GABRB3: variants seen among roughly 807,000 people sequenced by gnomAD.
The protein encoded by GABRB3 is gamma-aminobutyric acid receptor subunit beta-3.
In GABRB3, 14 loss-of-function variants were observed where a neutral mutation model predicts 52.1. The observed-to-expected ratio is 0.27, with a 90% CI of 0.18 to 0.42. The LOEUF is 0.42. Among genes scored for constraint, GABRB3 ranks in the 10% least tolerant of loss-of-function variants. GABRB3 has a pLI of 1.00. For synonymous variants in GABRB3, 260 were observed against 232.3 expected (o/e 1.12, Z -1.08); for missense variants, 307 against 609.1 (o/e 0.50, Z 5.22).
chr15:26,583,286 A>G, intron 5 of GABRB3, 46 bp downstream of exon 5: 3 of 1,489,932 alleles, frequency 2.0e-6, no homozygotes, highest in Non-Finnish European at 2.8e-6. Context: ...CAAAAGGATC[A>G]AAAGTACAAA....
intron 8 of GABRB3, among the ~76,000 whole-genome samples, chr15:26,554,189 TAC>T (rs1889653179): frequency 2.6e-4 from 7 of 27,362 alleles, no homozygotes; most frequent in Admixed American, 5.8e-4. Flanking sequence ...TATATATATA[TAC>T]TATATATATA....
At chr15:26,690,091 TGAGAAGGTACACG>T (rs1239979717) in intron 3 of GABRB3, among the ~76,000 whole-genome samples, 1 of 145,408 alleles carries the variant, frequency 6.9e-6, no homozygotes, top group African/African-American at 2.5e-5. Context: ...ATCTGGAGAA[TGAGAAGGTACACG>T]GATTTTTTTT....
chr15:26,760,827 A>ACACACACAC (rs1555383019), intron 3 of GABRB3, among the ~76,000 whole-genome samples: 9 of 151,452 alleles, frequency 5.9e-5, no homozygotes, highest in East Asian at 3.9e-4. Flanking sequence ...ACACACACAC[A>ACACACACAC]AGCAAACAAA....
At chr15:26,615,265 GT>G in intron 4 of GABRB3, 4 of 984,782 alleles carry the variant, frequency 4.1e-6, no homozygotes, top group Non-Finnish European at 4.8e-6. Context: ...GATCTTCCTA[GT>G]TCCTTAAATG....
chr15:26,719,332 C>T (rs953361980), intron 3 of GABRB3, among the ~76,000 whole-genome samples: 2 of 152,224 alleles, frequency 1.3e-5, no homozygotes, highest in South Asian at 2.1e-4. Context: ...CCTTCCTTTC[C>T]AGGAACTCAG....
intron 3 of GABRB3, among the ~76,000 whole-genome samples, chr15:26,741,053 T>A (rs752853825): frequency 9.4e-3 from 394 of 41,960 alleles, no homozygotes; most frequent in Admixed American, 0.024. Flanking sequence ...TAAGTGTGTG[T>A]GTGTGTGTGT....
chr15:26,606,769 TATAG>T lies in GABRB3; in HGVS notation c.461+14541_461+14544del, dbSNP rs67062114. On this transcript the variant is annotated intron_variant, in intron 4 of 8. Transcript: ENST00000311550. ...TATATATCATACATATCTGTCTATC[TATAG>T]ATAGATAGATATATCTATAGATAGA... Among the ~76,000 whole-genome samples, 925 of 106,864 alleles carry T rather than the reference TATAG, an allele frequency of 8.7e-3. 21 individuals are homozygous for T. Among genetic ancestry groups the T allele is most frequent in the South Asian group, 0.011 (40 of 3,578 alleles). The allele number at this position is 106,864 out of a possible 152,430, so 70.1% of individuals were successfully genotyped here.
intron 3 of GABRB3, among the ~76,000 whole-genome samples, chr15:26,730,543 T>C (rs1392277474): frequency 2.6e-5 from 4 of 151,936 alleles, no homozygotes; most frequent in Non-Finnish European, 4.4e-5. Flanking sequence ...GAAGAGGAGC[T>C]GAAGAGGCCA....
At chr15:26,557,596 G>A (rs1889803837) in intron 8 of GABRB3, 1 of 152,066 alleles carries the variant, frequency 6.6e-6, no homozygotes, top group African/African-American at 2.4e-5. Flanking sequence ...TAAAGTCTTA[G>A]GTGTACTCAG....
At chr15:26,563,134 C>T (rs546559173) in intron 7 of GABRB3, among the ~76,000 whole-genome samples, 52 of 152,316 alleles carry the variant, frequency 3.4e-4, no homozygotes, top group Non-Finnish European at 5.6e-4. Flanking sequence ...GCTTTAGTCA[C>T]GACTTTGCCT....
intron 4 of GABRB3, among the ~76,000 whole-genome samples, chr15:26,594,004 A>AT (rs1566764220): frequency 7.8e-6 from 1 of 128,340 alleles, no homozygotes; most frequent in Non-Finnish European, 1.6e-5. Flanking sequence ...ATATATATAT[A>AT]ATAGCCATCC....
chr15:26,624,529 C>T (rs969806803), intron 3 of GABRB3: 6 of 985,412 alleles, frequency 6.1e-6, no homozygotes, highest in South Asian at 4.7e-5. Context: ...TCGGGCTCCG[C>T]GTCTTATTTT....
At chr15:26,768,658 T>C (rs1458147422) in intron 3 of GABRB3, among the ~76,000 whole-genome samples, 5 of 152,132 alleles carry the variant, frequency 3.3e-5, no homozygotes, top group Admixed American at 2.0e-4. Flanking sequence ...ATCTCACTTA[T>C]AGAAATATAC....
intron 3 of GABRB3, among the ~76,000 whole-genome samples, chr15:26,684,930 T>C (rs1231023633): frequency 1.3e-5 from 2 of 152,214 alleles, no homozygotes; most frequent in African/African-American, 2.4e-5. Flanking sequence ...GGACACTCAA[T>C]GCGCACATGC....
rs1285598618 is a variant in GABRB3 at position 26,586,404 on chromosome 15, A to ACACACACACT, written c.462-2991_462-2990insAGTGTGTGTG. On this transcript the variant is annotated intron_variant, in intron 4 of 8. Coordinates refer to ENST00000311550, the MANE Select transcript of GABRB3 (RefSeq NM_000814.6). Reference sequence around the variant, plus strand: ...ACTTTTCAAACCACCCCTAACACACACACACACACACACACACACACGCAT... The same window carrying ACACACACACT: ...ACTTTTCAAACCACCCCTAACACACACACACACACTCACACACACACACACACACACGCAT... Among the ~76,000 whole-genome samples the ACACACACACT allele has an allele frequency of 4.0e-3, 610 of 150,710 alleles. 8 individuals carry two copies. Among genetic ancestry groups the ACACACACACT allele is most frequent in the African/African-American group, 0.014 (591 of 41,018 alleles).
chr15:26,574,597 C>T (rs918518221), intron 6 of GABRB3, among the ~76,000 whole-genome samples: 1 of 152,126 alleles, frequency 6.6e-6, no homozygotes, highest in Non-Finnish European at 1.5e-5. Context: ...ATTCATGGCA[C>T]AACATGGATG....
intron 6 of GABRB3, among the ~76,000 whole-genome samples, chr15:26,571,978 G>A (rs570276137): frequency 2.4e-4 from 37 of 151,198 alleles, no homozygotes; most frequent in South Asian, 1.0e-3. Context: ...CCTGGGAGGC[G>A]GAGGTTGCAG....
At chr15:26,764,933 A>T (rs1049213263) in intron 3 of GABRB3, among the ~76,000 whole-genome samples, 2 of 152,000 alleles carry the variant, frequency 1.3e-5, no homozygotes, top group African/African-American at 4.8e-5. Flanking sequence ...GATCGAGACC[A>T]TCCTGGCTAA....
At chr15:26,643,036 A>T (rs1181332719) in intron 3 of GABRB3, among the ~76,000 whole-genome samples, 1 of 152,078 alleles carries the variant, frequency 6.6e-6, no homozygotes, top group Admixed American at 6.5e-5. Flanking sequence ...CTCACCAAAG[A>T]ACCCTCAGCT....
Sources: allele counts gnomAD v4.1 joint callset (sites outside exome capture counted in the v4.1 genomes callset), GRCh38; gene constraint gnomAD v4.1.1; transcripts MANE v1.5; gene names NCBI Gene and HGNC (gene_info 2026-07-23, HGNC 2026-07-21).